The following TRAM2 variants were observed in gnomAD, a reference collection of about 807,000 sequenced individuals.
TRAM2 encodes the protein translocating chain-associated membrane protein 2.
In TRAM2, 12 loss-of-function variants were observed where a neutral mutation model predicts 51.0. That is an observed-to-expected ratio of 0.24 (90% CI 0.15 to 0.38). The LOEUF is 0.38. TRAM2 is among the 10% of genes least tolerant of loss of function. The probability of loss-of-function intolerance (pLI) is 1.00; values close to 1 mark genes in which losing one functional copy is unlikely to be tolerated. For synonymous variants in TRAM2, 175 were observed against 179.4 expected (o/e 0.98, Z 0.20); for missense variants, 361 against 462.0 (o/e 0.78, Z 2.00).
In TRAM2 at chr6:52,512,942, C is replaced by T. The variant is rs369786503; in HGVS notation, c.411+3064G>A. Reference sequence around the variant, plus strand: ...TCCCTCTACTTGGTTCTAAAATCTACGGTGGATTTTAGGTTCTAAAAGATG... The same window carrying T: ...TCCCTCTACTTGGTTCTAAAATCTATGGTGGATTTTAGGTTCTAAAAGATG... On this transcript the variant is annotated intron_variant, in intron 4 of 10. Transcript: ENST00000182527. 2.6e-5 allele frequency among the ~76,000 whole-genome samples: 4 copies of T among 152,302 alleles called. No individual in the cohort carries two copies. In the East Asian group the frequency reaches 5.8e-4, roughly 22 times the overall value.
Position 52,516,131 on chromosome 6 carries a change from T to C in TRAM2, c.295-9A>G, listed in dbSNP as rs373654795. On this transcript the variant is annotated splice_polypyrimidine_tract_variant and intron_variant, in intron 3 of 10. Coordinates refer to ENST00000182527, the MANE Select transcript of TRAM2 (RefSeq NM_012288.4). Reference sequence around the variant, plus strand: ...AGCCGTTTGCTGATTTTCTAAAGAATAAAGAAAACCCCTCATATTAATATA... The same window carrying C: ...AGCCGTTTGCTGATTTTCTAAAGAACAAAGAAAACCCCTCATATTAATATA... The C allele has an allele frequency of 4.1e-5, 66 of 1,610,492 alleles. No individual in the cohort carries two copies. In the Middle Eastern group the frequency reaches 4.9e-4, roughly 12 times the overall value.
chr6:52,518,664 G>C (rs1326083234), intron 2 of TRAM2, among the ~76,000 whole-genome samples: 1 of 152,094 alleles, frequency 6.6e-6, no homozygotes, highest in Non-Finnish European at 1.5e-5. Flanking sequence ...GAAGGGCTGG[G>C]ATCCAGGATG....
intron 1 of TRAM2, among the ~76,000 whole-genome samples, chr6:52,552,244 T>C (rs1012059462): frequency 6.6e-6 from 1 of 152,196 alleles, no homozygotes; most frequent in Non-Finnish European, 1.5e-5. Flanking sequence ...GGGGCACGGA[T>C]GCAGAGAGGA....
At chr6:52,528,572 T>C (rs899482548) in intron 2 of TRAM2, among the ~76,000 whole-genome samples, 3 of 152,136 alleles carry the variant, frequency 2.0e-5, no homozygotes, top group African/African-American at 7.2e-5. Context: ...TGTCTGAGGT[T>C]GTTTTGACTG....
chr6:52,565,031 G>A (rs866471448), intron 1 of TRAM2, among the ~76,000 whole-genome samples: 1 of 152,212 alleles, frequency 6.6e-6, no homozygotes, highest in Non-Finnish European at 1.5e-5. Context: ...GGTCTGCAAT[G>A]AGGGTCAGGG....
chr6:52,509,459 A>G, intron 5 of TRAM2, 69 bp downstream of exon 5: 1 of 1,513,002 alleles, frequency 6.6e-7, no homozygotes, highest in Non-Finnish European at 9.2e-7. Flanking sequence ...TTCTGGCCAC[A>G]CTCCGCTGGG....
intron 1 of TRAM2, among the ~76,000 whole-genome samples, chr6:52,557,192 C>CAAAAAAAAAAAAAAAA (rs371429027): frequency 7.1e-6 from 1 of 140,088 alleles, no homozygotes; most frequent in Non-Finnish European, 1.6e-5. Context: ...AACTCTGTCT[C>CAAAAAAAAAAAAAAAA]AAAAAAAAAA....
At chr6:52,560,916 A>G (rs1035263306) in intron 1 of TRAM2, among the ~76,000 whole-genome samples, 2 of 152,180 alleles carry the variant, frequency 1.3e-5, no homozygotes, top group African/African-American at 4.8e-5. Context: ...AGACAACTGA[A>G]CACGACATCC....
rs758451152 is a variant in TRAM2 at position 52,516,690 on chromosome 6, T to C, written c.232A>G (p.Ile78Val). The change falls in exon 3 of 11, where the codon ATC becomes GTC. Residue 78 changes from isoleucine (I) to valine (V), a missense_variant. Ile to Val is a conservative substitution (Grantham distance 29). Transcript: ENST00000182527. ...YHYGPKDLVT[I>V]LFYIFITIIL... Reference sequence around the variant, plus strand: ...ATGGTGATGAAGATGTAGAACAAGATTGTGACCAGGTCCTTAGGGCCATAG... The same window carrying C: ...ATGGTGATGAAGATGTAGAACAAGACTGTGACCAGGTCCTTAGGGCCATAG... The C allele has an allele frequency of 1.9e-6, 3 of 1,614,164 alleles. No individual in the cohort carries two copies. Among genetic ancestry groups the C allele is most frequent in the South Asian group, 1.1e-5 (1 of 91,076 alleles).
At chr6:52,522,280 G>A (rs890736011) in intron 2 of TRAM2, among the ~76,000 whole-genome samples, 1 of 152,280 alleles carries the variant, frequency 6.6e-6, no homozygotes, top group East Asian at 1.9e-4. Flanking sequence ...ACCCCACACT[G>A]TGTCCCACAG....
At chr6:52,519,621 ATT>A (rs1382202153) in intron 2 of TRAM2, among the ~76,000 whole-genome samples, 17 of 152,226 alleles carry the variant, frequency 1.1e-4, no homozygotes, top group Non-Finnish European at 2.4e-4. Context: ...ATTACCACAT[ATT>A]TCAGTAATTC....
intron 1 of TRAM2, among the ~76,000 whole-genome samples, chr6:52,561,740 C>T (rs992202310): frequency 3.3e-5 from 5 of 151,924 alleles, no homozygotes; most frequent in East Asian, 3.9e-4. Flanking sequence ...CCACCCGCCT[C>T]GGCCTCCCAA....
intron 2 of TRAM2, among the ~76,000 whole-genome samples, chr6:52,518,101 C>CGATTA (rs1420529683): frequency 1.3e-5 from 2 of 152,168 alleles, no homozygotes; most frequent in African/African-American, 4.8e-5. Context: ...GACAGATGTA[C>CGATTA]GATTACACTA....
chr6:52,509,560 G>T lies in TRAM2; in HGVS notation c.438C>A (p.Ser146Arg), dbSNP rs568794165. The T allele has an allele frequency of 2.5e-6, 4 of 1,613,980 alleles. No individual in the cohort carries two copies. The highest frequency in any genetic ancestry group is 3.4e-6 in the Non-Finnish European group (4 of 1,180,014). ...VTEGYLTNPR[S>R]LWEDYPHVHL... is the part of the protein sequence containing the mutation. ...GCACATGCGGGTAGTCTTCCCAGAG[G>T]CTTCTTGGGTTTGTTAAGTATCCTT... Residue 146 changes from serine (S) to arginine (R), a missense_variant, in exon 5 of 11, where the codon AGC (serine) becomes AGA (arginine). Ser to Arg is a moderately radical substitution (Grantham distance 110). Transcript: ENST00000182527.
intron 2 of TRAM2, among the ~76,000 whole-genome samples, chr6:52,525,804 G>A (rs1766766975): frequency 1.3e-5 from 2 of 152,058 alleles, no homozygotes; most frequent in Admixed American, 1.3e-4. Flanking sequence ...CTAGACTCCT[G>A]TCCTAATTCA....
chr6:52,567,862 A>T (rs1767613438), intron 1 of TRAM2, among the ~76,000 whole-genome samples: 2 of 152,250 alleles, frequency 1.3e-5, no homozygotes. Context: ...TGAAACCAAG[A>T]TTAGAAGTGA....
intron 2 of TRAM2, among the ~76,000 whole-genome samples, chr6:52,518,709 C>T (rs1475093717): frequency 4.6e-5 from 7 of 152,116 alleles, no homozygotes; most frequent in African/African-American, 9.7e-5. Context: ...GGAGAAGACA[C>T]GAAGATGAGG....
chr6:52,498,200 C>T lies in TRAM2; in HGVS notation c.*4997G>A, dbSNP rs1376463036. On this transcript the variant is annotated 3_prime_UTR_variant, in exon 11 of 11. Transcript: ENST00000182527. ...ATGGGTCCCATTTCTCCCCCAGTTG[C>T]AGGTGTTTTAAGGGACAGAAAGGCT... is the stretch of plus-strand genomic sequence containing the variant. 1 of 152,598 alleles carries T rather than the reference C, an allele frequency of 6.6e-6. No homozygotes were observed. The highest frequency in any genetic ancestry group is 2.4e-5 in the African/African-American group (1 of 41,424). 9.5% of individuals were successfully genotyped at this position (152,598 alleles called of 1,614,324 possible). A position where few individuals can be genotyped will look rare whatever the true frequency, so the allele number is the denominator to read the frequency against.
At chr6:52,518,854 C>A (rs1766608119) in intron 2 of TRAM2, among the ~76,000 whole-genome samples, 1 of 152,222 alleles carries the variant, frequency 6.6e-6, no homozygotes, top group South Asian at 2.1e-4. Flanking sequence ...AACATAGTTT[C>A]ATCATCAAGA....
Sources: allele counts gnomAD v4.1 joint callset (sites outside exome capture counted in the v4.1 genomes callset), GRCh38; gene constraint gnomAD v4.1.1; transcripts MANE v1.5; gene names NCBI Gene and HGNC (gene_info 2026-07-23, HGNC 2026-07-21).